The following AP3S1 variants were observed in gnomAD, a reference collection of about 807,000 sequenced individuals.
AP3S1 encodes adaptor related protein complex 3 subunit sigma 1.
Under a neutral mutation model 21.3 loss-of-function variants are expected in AP3S1, and 12 were observed. That is an observed-to-expected ratio of 0.56 (90% confidence interval 0.36 to 0.91). The LOEUF (loss-of-function observed/expected upper bound fraction) is 0.91, where lower values mean the gene tolerates loss of function less well. AP3S1 is among the 40% of genes least tolerant of loss of function. The pLI is 0.01. For missense variants in AP3S1, 116 were observed against 225.0 expected, an observed-to-expected ratio of 0.52 and a Z score of 3.10; for synonymous variants, 48 against 78.4, an observed-to-expected ratio of 0.61 and a Z score of 2.05.
At chr5:115,899,833 T>C (rs1206971126) in intron 4 of AP3S1, among the ~76,000 whole-genome samples, 1 of 152,042 alleles carries the variant, frequency 6.6e-6, no homozygotes, top group East Asian at 1.9e-4. Context: ...ACTTGGAGGA[T>C]CTTATCCAAT....
chr5:115,905,350 T>C (rs994283912), intron 5 of AP3S1, among the ~76,000 whole-genome samples: 1 of 152,242 alleles, frequency 6.6e-6, no homozygotes, highest in Non-Finnish European at 1.5e-5. Flanking sequence ...GAAATAATGC[T>C]ATTTAAAATA....
intron 1 of AP3S1, among the ~76,000 whole-genome samples, chr5:115,849,417 C>T (rs1762280999): frequency 6.6e-6 from 1 of 151,966 alleles, no homozygotes; most frequent in East Asian, 1.9e-4. Context: ...GTGCAGTGTC[C>T]CTCAAATGGG....
intron 1 of AP3S1, among the ~76,000 whole-genome samples, chr5:115,859,774 T>C (rs934237351): frequency 1.3e-5 from 2 of 152,178 alleles, no homozygotes; most frequent in Admixed American, 6.5e-5. Context: ...CTAGTTAGAG[T>C]TCCTACAGAG....
chr5:115,911,222 T>G (rs1752079440), intron 5 of AP3S1, among the ~76,000 whole-genome samples: 1 of 152,124 alleles, frequency 6.6e-6, no homozygotes, highest in African/African-American at 2.4e-5. Flanking sequence ...AGTTTAGCTC[T>G]TCATGGTACA....
chr5:115,870,571 G>A (rs556041187), intron 3 of AP3S1, among the ~76,000 whole-genome samples: 116 of 152,182 alleles, frequency 7.6e-4, no homozygotes, highest in African/African-American at 2.6e-3. Flanking sequence ...ATGATACTAC[G>A]TGCAACCCTT....
chr5:115,842,042 T>A lies in AP3S1; in HGVS notation c.5T>A (p.Ile2Asn). The change falls in exon 1 of 6, where the codon ATC (isoleucine) becomes AAC (asparagine). Residue 2 changes from isoleucine to asparagine, a missense_variant. Coordinates refer to ENST00000316788, the MANE Select transcript of AP3S1 (RefSeq NM_001284.4). ...CCCGGTCGGCCCGGCACAGCCATGATCAAGGCGATCCTAATCTTCAACAAC... is the reference window on the plus strand; with the variant it reads ...CCCGGTCGGCCCGGCACAGCCATGAACAAGGCGATCCTAATCTTCAACAAC... M[I>N]KAILIFNNHG... 6.3e-7 allele frequency: 1 copy of A among 1,590,368 alleles called. No individual in the cohort carries two copies. The highest frequency in any genetic ancestry group is 8.6e-7 in the Non-Finnish European group (1 of 1,169,250).
At chr5:115,892,759 G>C (rs1368422926) in intron 3 of AP3S1, among the ~76,000 whole-genome samples, 2 of 151,956 alleles carry the variant, frequency 1.3e-5, no homozygotes, top group Non-Finnish European at 2.9e-5. Context: ...AGCTCAATAG[G>C]GTGATTATAG....
intron 3 of AP3S1, among the ~76,000 whole-genome samples, chr5:115,880,138 C>T (rs1749142369): frequency 6.6e-6 from 1 of 152,102 alleles, no homozygotes; most frequent in Admixed American, 6.5e-5. Context: ...TTTTGTTAGT[C>T]TTTTCAAAAA....
chr5:115,865,729 C>T (rs1432221443), intron 1 of AP3S1, among the ~76,000 whole-genome samples: 1 of 152,140 alleles, frequency 6.6e-6, no homozygotes, highest in Non-Finnish European at 1.5e-5. Context: ...GTGGACCATT[C>T]ACATCCTTTC....
chr5:115,909,694 ATATAATCTTAAATC>A (rs1751940065), intron 5 of AP3S1, among the ~76,000 whole-genome samples: 1 of 152,184 alleles, frequency 6.6e-6, no homozygotes, highest in Non-Finnish European at 1.5e-5. Context: ...TGTGTCAACT[ATATAATCTTAAATC>A]TTTAAGAACT....
At chr5:115,905,472 G>A (rs1031284403) in intron 5 of AP3S1, among the ~76,000 whole-genome samples, 1 of 152,088 alleles carries the variant, frequency 6.6e-6, no homozygotes, top group Admixed American at 6.6e-5. Context: ...TTACAAGAAA[G>A]TATGTTTTAA....
chr5:115,847,671 T>A (rs1007870212), intron 1 of AP3S1, among the ~76,000 whole-genome samples: 1 of 152,136 alleles, frequency 6.6e-6, no homozygotes, highest in African/African-American at 2.4e-5. Flanking sequence ...CAAAAAAAAA[T>A]TACATATATT....
intron 3 of AP3S1, among the ~76,000 whole-genome samples, chr5:115,887,322 G>A (rs1408984452): frequency 2.0e-5 from 3 of 150,986 alleles, no homozygotes; most frequent in African/African-American, 4.9e-5. Context: ...TCCTATTTTT[G>A]CACTAAAGAC....
In AP3S1 at chr5:115,885,054, C is replaced by T. The variant is rs140120786; in HGVS notation, c.274-10033C>T. 4.6e-3 allele frequency among the ~76,000 whole-genome samples: 697 copies of T among 152,306 alleles called. 3 individuals carry two copies. The highest frequency in any genetic ancestry group is 0.01 in the Middle Eastern group (3 of 294). On this transcript the variant is annotated intron_variant, in intron 3 of 5. Transcript: ENST00000316788. The stretch of plus-strand genomic sequence containing the variant: ...CTTCCAGAAGTCTGCACTAACATGA[C>T]GGCCAGCATAATTTACCATGTTAGT...
At chr5:115,900,919 G>A (rs1016621204) in intron 4 of AP3S1, among the ~76,000 whole-genome samples, 12 of 152,088 alleles carry the variant, frequency 7.9e-5, no homozygotes, top group Non-Finnish European at 1.3e-4. Context: ...TGGCTTTCTC[G>A]TTTTCCATAT....
intron 5 of AP3S1, among the ~76,000 whole-genome samples, chr5:115,908,157 G>C (rs1165008679): frequency 6.6e-6 from 1 of 152,018 alleles, no homozygotes; most frequent in Non-Finnish European, 1.5e-5. Flanking sequence ...CAAAACTGGG[G>C]TACCGTTTTT....
chr5:115,864,256 G>A (rs528887818), intron 1 of AP3S1, among the ~76,000 whole-genome samples: 16 of 152,172 alleles, frequency 1.1e-4, no homozygotes, highest in Non-Finnish European at 2.1e-4. Context: ...TGAGTCCATA[G>A]ATACTTTGTT....
chr5:115,908,883 G>A, intron 5 of AP3S1: 3 of 617,974 alleles, frequency 4.9e-6, no homozygotes, highest in Non-Finnish European at 4.0e-6. Flanking sequence ...TCAAAAACAT[G>A]CTTTCAAAAT....
At chr5:115,897,844 G>C (rs936164165) in intron 4 of AP3S1, among the ~76,000 whole-genome samples, 8 of 151,968 alleles carry the variant, frequency 5.3e-5, no homozygotes, top group African/African-American at 1.9e-4. Context: ...TTGCAGGTGT[G>C]AGCCACCACG....
Sources: gnomAD v4.1 joint callset for allele counts (sites outside exome capture counted in the v4.1 genomes callset) on GRCh38, gnomAD v4.1.1 for gene constraint, MANE v1.5 for transcripts, NCBI Gene and HGNC (gene_info 2026-07-23, HGNC 2026-07-21) for gene names.